Variants in CLEC4C observed in about 807,000 individuals in gnomAD.
CLEC4C encodes C-type (calcium dependent, carbohydrate-recognition domain) lectin, superfamily member 11.
CLEC4C carries 17 observed loss-of-function variants against 27.7 expected under a neutral mutation model. The observed-to-expected ratio is 0.61, with a 90% CI of 0.42 to 0.92. CLEC4C has a LOEUF of 0.92. CLEC4C is among the 40% of genes least tolerant of loss of function. The pLI is 0.00. For synonymous variants in CLEC4C, 80 were observed against 80.8 expected, an observed-to-expected ratio of 0.99 and a Z score of 0.06; for missense variants, 244 against 257.3, an observed-to-expected ratio of 0.95 and a Z score of 0.35.
intron 4 of CLEC4C, among the ~76,000 whole-genome samples, chr12:7,731,776 T>G (rs775736996): frequency 2.6e-5 from 4 of 152,336 alleles, no homozygotes; most frequent in Admixed American, 1.3e-4. Flanking sequence ...AGACTCTGCA[T>G]GTAGTGAGGA....
chr12:7,729,848 C>T, intron 5 of CLEC4C, 108 bp from the exon 6 acceptor site: 1 of 933,834 alleles, frequency 1.1e-6, no homozygotes, highest in Non-Finnish European at 1.6e-6. Context: ...GTCACGTCTA[C>T]CCAAACCACC....
intron 1 of CLEC4C, 64 bp from the exon 2 acceptor site, chr12:7,746,487 A>G: frequency 9.8e-7 from 1 of 1,018,842 alleles, no homozygotes; most frequent in Non-Finnish European, 1.5e-6. Context: ...AGGAAACCAG[A>G]GTCCCAAAAA....
intron 3 of CLEC4C, 55 bp from the exon 4 acceptor site, chr12:7,737,629 T>G (rs1864759277): frequency 6.5e-7 from 1 of 1,528,792 alleles, no homozygotes; most frequent in Non-Finnish European, 8.9e-7. Context: ...TCTCCTCACA[T>G]AAAGTTATAA....
upstream of CLEC4C, among the ~76,000 whole-genome samples, chr12:7,748,454 A>G (rs1214489158): frequency 6.6e-6 from 1 of 151,748 alleles, no homozygotes; most frequent in African/African-American, 2.4e-5. Flanking sequence ...TGAACCCGGG[A>G]GGCGGAGCTT....
chr12:7,746,887 C>T (rs1042620828), intron 1 of CLEC4C, among the ~76,000 whole-genome samples: 15 of 152,126 alleles, frequency 9.9e-5, no homozygotes, highest in African/African-American at 2.9e-4. Context: ...TGCAATGGCA[C>T]GATCTCGGCT....
At chr12:7,738,446 T>C (rs1020795940) in intron 3 of CLEC4C, among the ~76,000 whole-genome samples, 1 of 152,218 alleles carries the variant, frequency 6.6e-6, no homozygotes, top group Non-Finnish European at 1.5e-5. Flanking sequence ...AGTGACAATG[T>C]AGACCATATC....
intron 2 of CLEC4C, among the ~76,000 whole-genome samples, chr12:7,742,339 C>T (rs1864874618): frequency 6.6e-6 from 1 of 151,610 alleles, no homozygotes; most frequent in Non-Finnish European, 1.5e-5. Flanking sequence ...ATGGTGAAAC[C>T]CTGTTTCTAC....
chr12:7,738,681 T>A (rs1864782025), intron 3 of CLEC4C, among the ~76,000 whole-genome samples: 1 of 151,980 alleles, frequency 6.6e-6, no homozygotes, highest in Non-Finnish European at 1.5e-5. Flanking sequence ...TTTGTATTAT[T>A]TGTAGAGACA....
intron 2 of CLEC4C, 29 bp from the exon 3 acceptor site, chr12:7,741,560 C>A: frequency 8.1e-7 from 1 of 1,229,458 alleles, no homozygotes; most frequent in South Asian, 1.2e-5. Context: ...AGTTAGTTCT[C>A]ATTCTTTTAA....
At chr12:7,729,777 C>T (rs369065167) in intron 5 of CLEC4C, 37 bp from the exon 6 acceptor site, 41 of 1,607,214 alleles carry the variant, frequency 2.6e-5, no homozygotes, top group Middle Eastern at 1.7e-4. Flanking sequence ...GTTTTGAAAC[C>T]GTGGTTTGGA....
chr12:7,747,965 A>G (rs1592102102), upstream of CLEC4C, among the ~76,000 whole-genome samples: 1 of 144,744 alleles, frequency 6.9e-6, no homozygotes, highest in East Asian at 2.1e-4. Flanking sequence ...TAAATTGCCC[A>G]GTCTCAGGTA....
rs769394764 is a variant in CLEC4C at position 7,729,712 on chromosome 12, G to A, written c.526C>T (p.Leu176Phe). Reference sequence around the variant, plus strand: ...TTTATTATCGCACAACGCTCATCAAGGTTATTGGGTTCACCTGAGTGCCAG... The same window carrying A: ...TTTATTATCGCACAACGCTCATCAAAGTTATTGGGTTCACCTGAGTGCCAG... Reference protein sequence around the residue: ...TFWHSGEPNNLDERCAIINFR... With the variant: ...TFWHSGEPNNFDERCAIINFR... The change falls in exon 6 of 6, where the codon CTT becomes TTT. Residue 176 changes from leucine to phenylalanine, a missense_variant. Physicochemically the swap from Leu to Phe is conservative, Grantham distance 22 (BLOSUM62 0). Coordinates refer to ENST00000360345, the MANE Select transcript of CLEC4C (RefSeq NM_001371390.1). 6.2e-7 allele frequency: 1 copy of A among 1,613,878 alleles called. No homozygotes were observed. Among genetic ancestry groups the A allele is most frequent in the South Asian group, 1.1e-5 (1 of 91,068 alleles).
intron 3 of CLEC4C, among the ~76,000 whole-genome samples, chr12:7,738,532 T>C (rs958931521): frequency 1.3e-5 from 2 of 152,136 alleles, no homozygotes; most frequent in African/African-American, 4.8e-5. Context: ...GACAGGATCA[T>C]GCTTTGTCAT....
intron 3 of CLEC4C, among the ~76,000 whole-genome samples, chr12:7,737,854 G>A (rs1462213972): frequency 2.0e-5 from 3 of 151,744 alleles, no homozygotes; most frequent in Admixed American, 1.3e-4. Context: ...ACTGCAGTAC[G>A]AAAGCAACCA....
rs1399024708 is a variant in CLEC4C at position 7,746,267 on chromosome 12, G to C, written c.124+64C>G. 6.4e-6 allele frequency: 6 copies of C among 938,240 alleles called. No individual in the cohort carries two copies. The Admixed American group carries it at 6.9e-5, about 11-fold the overall frequency. The allele number at this position is 938,240 out of a possible 1,614,324, so 58.1% of individuals were successfully genotyped here. ...AAGAAAGAGGAACGTGTTTCTTCAG[G>C]AAATTGATAAAATGTGATTGGGAAA... On this transcript the variant is annotated intron_variant, in intron 2 of 5. Transcript: ENST00000360345.
At chr12:7,745,434 T>TTG (rs1218928620) in intron 2 of CLEC4C, among the ~76,000 whole-genome samples, 1 of 125,158 alleles carries the variant, frequency 8.0e-6, no homozygotes, top group Non-Finnish European at 1.7e-5. Context: ...CTTTTTTTTT[T>TTG]TTTTTTTTTT....
At chr12:7,740,083 G>A (rs779784485) in intron 3 of CLEC4C, among the ~76,000 whole-genome samples, 3 of 151,324 alleles carry the variant, frequency 2.0e-5, no homozygotes, top group Non-Finnish European at 4.4e-5. Context: ...ATCCACCCGC[G>A]TCGGCCTCCC....
chr12:7,731,997 T>C (rs1326689381), intron 4 of CLEC4C, among the ~76,000 whole-genome samples: 1 of 152,062 alleles, frequency 6.6e-6, no homozygotes, highest in East Asian at 1.9e-4. Context: ...AAAAAACAAC[T>C]TTGCATGAAC....
chr12:7,736,184 G>A (rs1392590492), intron 4 of CLEC4C, among the ~76,000 whole-genome samples: 2 of 152,092 alleles, frequency 1.3e-5, no homozygotes, highest in African/African-American at 4.8e-5. Flanking sequence ...TCGGGAAGCT[G>A]AGGCAGGAGA....
Sources: allele counts gnomAD v4.1 joint callset (sites outside exome capture counted in the v4.1 genomes callset), GRCh38; gene constraint gnomAD v4.1.1; transcripts MANE v1.5; gene names NCBI Gene and HGNC (gene_info 2026-07-23, HGNC 2026-07-21).